ROCK2: variants seen among roughly 807,000 people sequenced by gnomAD.
ROCK2 encodes rho-associated protein kinase 2.
ROCK2 carries 61 observed loss-of-function variants against 195.1 expected under a neutral mutation model. The observed-to-expected ratio is 0.31, with a 90% CI of 0.25 to 0.39. ROCK2 has a LOEUF of 0.39. Among genes scored for constraint, ROCK2 ranks in the 10% least tolerant of loss-of-function variants. ROCK2 has a pLI of 1.00. For synonymous variants in ROCK2, 504 were observed against 545.5 expected (o/e 0.92, Z 1.06); for missense variants, 1,109 against 1,637.4 (o/e 0.68, Z 5.57).
At chr2:11,300,839 T>G (rs576807530) in intron 1 of ROCK2, among the ~76,000 whole-genome samples, 1 of 152,196 alleles carries the variant, frequency 6.6e-6, no homozygotes, top group African/African-American at 2.4e-5. Flanking sequence ...GAGTGTAAAA[T>G]GATCTACTAA....
At chr2:11,274,155 C>T (rs1419043914) in intron 3 of ROCK2, among the ~76,000 whole-genome samples, 7 of 150,834 alleles carry the variant, frequency 4.6e-5, no homozygotes, top group African/African-American at 1.2e-4. Context: ...ATTAAAAAAA[C>T]GAGAATGATC....
At chr2:11,274,556 AACTC>A (rs2148172149) in intron 3 of ROCK2, among the ~76,000 whole-genome samples, 2 of 152,328 alleles carry the variant, frequency 1.3e-5, no homozygotes, top group East Asian at 3.9e-4. Flanking sequence ...TACCAAGACT[AACTC>A]ACACAAAAAA....
intron 18 of ROCK2, among the ~76,000 whole-genome samples, chr2:11,209,530 G>A (rs923550547): frequency 3.9e-5 from 6 of 152,148 alleles, no homozygotes; most frequent in African/African-American, 1.4e-4. Context: ...TAACTCATAG[G>A]ATTATGAGTA....
At chr2:11,188,040 TA>T (rs1046457484) in intron 32 of ROCK2, among the ~76,000 whole-genome samples, 35 of 151,502 alleles carry the variant, frequency 2.3e-4, no homozygotes, top group East Asian at 3.9e-4. Flanking sequence ...AATACTGCGT[TA>T]AAAAAAATCT....
intron 1 of ROCK2, among the ~76,000 whole-genome samples, chr2:11,296,005 G>GGGGAGAGGGGGAGGGAGAGAGAGA (rs766082679): frequency 9.7e-5 from 1 of 10,332 alleles, no homozygotes; most frequent in African/African-American, 2.0e-4. Flanking sequence ...GAGAGAGAGA[G>GGGGAGAGGGGGAGGGAGAGAGAGA]GAGAGAGAGA....
rs1375853 is a variant in ROCK2 at position 11,320,916 on chromosome 2, T to C, written c.141+23080A>G. Among the ~76,000 whole-genome samples the C allele has an allele frequency of 8.7e-3, 1,319 of 152,082 alleles. 20 individuals are homozygous for C. Among genetic ancestry groups the C allele is most frequent in the African/African-American group, 0.03 (1,256 of 41,476 alleles). On this transcript the variant is annotated intron_variant, in intron 1 of 32. Transcript: ENST00000315872. ...CAGAGTACCAGAGAGGAGGGAGGTG[T>C]ACAGAGAAAGAACACAGGTACTCCC...
chr2:11,289,238 T>C (rs977207807), intron 1 of ROCK2, among the ~76,000 whole-genome samples: 45 of 152,106 alleles, frequency 3.0e-4, no homozygotes, highest in Admixed American at 2.7e-3. Flanking sequence ...CATTGAGACA[T>C]ACCCTCCCAC....
intron 20 of ROCK2, among the ~76,000 whole-genome samples, chr2:11,202,642 C>CAT (rs1190265846): frequency 1.3e-5 from 2 of 151,906 alleles, no homozygotes; most frequent in Non-Finnish European, 2.9e-5. Flanking sequence ...GGACTACAGG[C>CAT]GCCTGCCACC....
In ROCK2 at chr2:11,215,617, G is replaced by A. The variant is rs1260038775; in HGVS notation, c.1490C>T (p.Ala497Val). ...CTTTTCTCTTTCTAACTGTCTTAAT[G>A]CTGATTCCACACTTTTCCGTAAGGT... ...EITLRKSVESALRQLEREKAL... is the reference protein window; with the variant it reads ...EITLRKSVESVLRQLEREKAL... The change falls in exon 14 of 33, where the codon GCA becomes GTA. Residue 497 changes from alanine (A) to valine (V), a missense_variant. Around this residue, in one of 6 missense-constraint regions of ROCK2, gnomAD observed 542 missense variants for 672.0 expected, o/e 0.81. Transcript: ENST00000315872. 6.2e-7 allele frequency: 1 copy of A among 1,611,014 alleles called. No individual in the cohort carries two copies. The highest frequency in any genetic ancestry group is 1.3e-5 in the African/African-American group (1 of 74,822).
intron 5 of ROCK2, among the ~76,000 whole-genome samples, chr2:11,232,348 CGA>C (rs1665050039): frequency 6.6e-6 from 1 of 152,088 alleles, no homozygotes; most frequent in African/African-American, 2.4e-5. Flanking sequence ...AGGCTGGTCT[CGA>C]ACTCCTGGCT....
intron 1 of ROCK2, among the ~76,000 whole-genome samples, chr2:11,331,555 G>A (rs1668765235): frequency 6.7e-6 from 1 of 148,670 alleles, no homozygotes. Context: ...TCAAAAGATG[G>A]AAGATGAACA....
intron 3 of ROCK2, among the ~76,000 whole-genome samples, chr2:11,258,490 C>A (rs1666112161): frequency 1.3e-5 from 2 of 151,308 alleles, no homozygotes; most frequent in Non-Finnish European, 2.9e-5. Context: ...CCAGAACATT[C>A]TGAATCACCA....
intron 3 of ROCK2, among the ~76,000 whole-genome samples, chr2:11,266,991 CTT>C (rs1029125006): frequency 1.5e-4 from 23 of 152,092 alleles, no homozygotes; most frequent in African/African-American, 5.3e-4. Flanking sequence ...ATACATCTTC[CTT>C]TTTCTTCTCT....
At chr2:11,230,749 GT>G (rs1664978621) in intron 5 of ROCK2, among the ~76,000 whole-genome samples, 2 of 152,078 alleles carry the variant, frequency 1.3e-5, no homozygotes, top group South Asian at 4.2e-4. Flanking sequence ...TGTTATCATG[GT>G]CAAAAAATAT....
chr2:11,272,598 G>A (rs575744667), intron 3 of ROCK2, among the ~76,000 whole-genome samples: 1 of 152,158 alleles, frequency 6.6e-6, no homozygotes, highest in East Asian at 1.9e-4. Context: ...AAGCAGAGCT[G>A]GCCGGCTGCA....
intron 32 of ROCK2, among the ~76,000 whole-genome samples, chr2:11,185,214 A>C (rs1663147682): frequency 6.6e-6 from 1 of 152,218 alleles, no homozygotes; most frequent in African/African-American, 2.4e-5. Context: ...ATAGAATAAG[A>C]AAGCAGCTTT....
At chr2:11,258,558 TAA>T (rs991639823) in intron 3 of ROCK2, among the ~76,000 whole-genome samples, 1 of 151,270 alleles carries the variant, frequency 6.6e-6, no homozygotes, top group African/African-American at 2.5e-5. Context: ...AGAAAACATT[TAA>T]AAGTGTGGAG....
chr2:11,223,581 T>C (rs536389352), intron 7 of ROCK2, among the ~76,000 whole-genome samples: 51 of 152,324 alleles, frequency 3.3e-4, no homozygotes, highest in Middle Eastern at 6.8e-3. Flanking sequence ...AGACCACTGT[T>C]TTATGGATGA....
chr2:11,233,262 T>G (rs918397406), intron 5 of ROCK2, among the ~76,000 whole-genome samples: 1 of 152,194 alleles, frequency 6.6e-6, no homozygotes, highest in Non-Finnish European at 1.5e-5. Context: ...CTTATTTATT[T>G]TTTTCTTGGC....
Sources: gnomAD v4.1 joint callset for allele counts (sites outside exome capture counted in the v4.1 genomes callset) on GRCh38, gnomAD v4.1.1 for gene constraint, gnomAD v4.1.1 regional missense constraint, MANE v1.5 for transcripts, NCBI Gene and HGNC (gene_info 2026-07-23, HGNC 2026-07-21) for gene names.